HOMER1: variants seen among roughly 807,000 people sequenced by gnomAD.
HOMER1 encodes the protein homer scaffold protein 1, also known as homer protein homolog 1.
In HOMER1, 3 loss-of-function variants were observed where a neutral mutation model predicts 48.9. That is an observed-to-expected ratio of 0.06 (90% confidence interval 0.03 to 0.16). HOMER1 has a LOEUF of 0.16. HOMER1 is among the 10% of genes least tolerant of loss of function. The probability of loss-of-function intolerance (pLI) is 1.00; values close to 1 mark genes in which losing one functional copy is unlikely to be tolerated. For missense variants in HOMER1, 247 were observed against 411.4 expected (o/e 0.60, Z 3.46); for synonymous variants, 134 against 146.4 (o/e 0.92, Z 0.61).
Position 79,392,133 on chromosome 5 carries a change from C to T in HOMER1, c.876+4690G>A, listed in dbSNP as rs376943245. 7.2e-5 allele frequency among the ~76,000 whole-genome samples: 11 copies of T among 152,204 alleles called. No individual in the cohort carries two copies. In the East Asian group the frequency reaches 1.9e-3, roughly 27 times the overall value. ...ACTTAATAAAAATAAATGGCCATGT[C>T]ACTGGTTTATATATTTATTATACTA... On this transcript the variant is annotated intron_variant, in intron 8 of 8. Coordinates refer to ENST00000334082, the MANE Select transcript of HOMER1 (RefSeq NM_004272.5).
chr5:79,415,352 T>C (rs902074898), intron 5 of HOMER1, among the ~76,000 whole-genome samples: 1 of 152,008 alleles, frequency 6.6e-6, no homozygotes, highest in Non-Finnish European at 1.5e-5. Context: ...TGGCCGAGAA[T>C]AGTTTTTAAA....
At chr5:79,459,789 T>C (rs1357311606) in intron 1 of HOMER1, among the ~76,000 whole-genome samples, 1 of 152,190 alleles carries the variant, frequency 6.6e-6, no homozygotes, top group Non-Finnish European at 1.5e-5. Context: ...CTGACAGCTA[T>C]GATAGAAAAC....
chr5:79,402,133 A>G (rs1749548806), intron 5 of HOMER1, 78 bp from the exon 6 acceptor site: 8 of 1,170,440 alleles, frequency 6.8e-6, no homozygotes, highest in Non-Finnish European at 9.6e-6. Context: ...ACTCAGTTCT[A>G]TTGTAGGGTT....
rs565469028 is a variant in HOMER1 at position 79,487,001 on chromosome 5, C to T, written c.5+25769G>A. Among the ~76,000 whole-genome samples, 8 of 152,274 alleles carry T rather than the reference C, an allele frequency of 5.3e-5. No homozygotes were observed. In the South Asian group the frequency reaches 1.5e-3, roughly 28 times the overall value. ...AGTTCATTGAAAGAATACATTTTGG[C>T]CAGGCACAGTGGCTCATGCCTGTAA... On this transcript the variant is annotated intron_variant, in intron 1 of 8. Coordinates refer to ENST00000334082, the MANE Select transcript of HOMER1 (RefSeq NM_004272.5).
chr5:79,470,398 C>T (rs1019919245), intron 1 of HOMER1, among the ~76,000 whole-genome samples: 23 of 152,266 alleles, frequency 1.5e-4, no homozygotes, highest in Admixed American at 2.6e-4. Context: ...CTTCCCCCTG[C>T]AGATCATGGC....
intron 1 of HOMER1, among the ~76,000 whole-genome samples, chr5:79,467,940 C>T (rs1751519363): frequency 6.6e-6 from 1 of 152,080 alleles, no homozygotes; most frequent in African/African-American, 2.4e-5. Flanking sequence ...ACCACCACAT[C>T]CAGCTTTTTT....
Position 79,388,253 on chromosome 5 carries a change from G to A in HOMER1, c.876+8570C>T, listed in dbSNP as rs186572765. Among the ~76,000 whole-genome samples the A allele has an allele frequency of 6.6e-5, 10 of 152,224 alleles. No individual in the cohort carries two copies. In the East Asian group the frequency reaches 1.2e-3, roughly 18 times the overall value. Reference sequence around the variant, plus strand: ...TAAAAGGAAGAGAAAGGAATCTTGCGGGGTAAAGGGAAAAATAAGCAAGAA... The same window carrying A: ...TAAAAGGAAGAGAAAGGAATCTTGCAGGGTAAAGGGAAAAATAAGCAAGAA... On this transcript the variant is annotated intron_variant, in intron 8 of 8. Coordinates refer to ENST00000334082, the MANE Select transcript of HOMER1 (RefSeq NM_004272.5).
At chr5:79,400,339 G>T (rs1749501524) in intron 6 of HOMER1, among the ~76,000 whole-genome samples, 1 of 150,820 alleles carries the variant, frequency 6.6e-6, no homozygotes, top group Non-Finnish European at 1.5e-5. Context: ...TGTCTCAACT[G>T]CATTTCCTTT....
At chr5:79,506,940 G>A (rs1023921175) in intron 1 of HOMER1, among the ~76,000 whole-genome samples, 9 of 151,942 alleles carry the variant, frequency 5.9e-5, no homozygotes, top group East Asian at 1.9e-4. Flanking sequence ...TTGGCAGGGC[G>A]CGGTGGCTCA....
At chr5:79,474,395 T>A (rs532380960) in intron 1 of HOMER1, among the ~76,000 whole-genome samples, 1 of 152,080 alleles carries the variant, frequency 6.6e-6, no homozygotes, top group South Asian at 2.1e-4. Flanking sequence ...CCTGTATTAG[T>A]AATATAGTGA....
intron 8 of HOMER1, among the ~76,000 whole-genome samples, chr5:79,382,647 C>T (rs1749012000): frequency 6.6e-6 from 1 of 152,166 alleles, no homozygotes; most frequent in African/African-American, 2.4e-5. Context: ...ACCAGCCCTA[C>T]AAGAAATGCT....
At chr5:79,452,887 G>C (rs763608767) in intron 2 of HOMER1, among the ~76,000 whole-genome samples, 5 of 152,142 alleles carry the variant, frequency 3.3e-5, no homozygotes, top group African/African-American at 4.8e-5. Context: ...GTAAAATGTG[G>C]CTAATAACTG....
At position 79,374,371 on chromosome 5, in the gene HOMER1, A is replaced by G. The variant is rs1417689074; in HGVS notation, c.*1638T>C. 6.6e-6 allele frequency: 1 copy of G among 152,484 alleles called. No homozygotes were observed. The highest frequency in any genetic ancestry group is 1.5e-5 in the Non-Finnish European group (1 of 67,890). 9.4% of individuals were successfully genotyped at this position (152,484 alleles called of 1,614,324 possible). On this transcript the variant is annotated 3_prime_UTR_variant, in exon 9 of 9. Transcript: ENST00000334082. ...AAAACTCACTTAAGAAACTAACTTCAGAAACAAACCATTTATTTTTCACTC... is the reference window on the plus strand; with the variant it reads ...AAAACTCACTTAAGAAACTAACTTCGGAAACAAACCATTTATTTTTCACTC...
At chr5:79,463,767 T>C (rs1751381865) in intron 1 of HOMER1, among the ~76,000 whole-genome samples, 1 of 152,162 alleles carries the variant, frequency 6.6e-6, no homozygotes. Context: ...CATTTAAAAT[T>C]GTAGAACCAA....
chr5:79,512,334 C>A (rs1296936262), intron 1 of HOMER1, among the ~76,000 whole-genome samples: 1 of 152,212 alleles, frequency 6.6e-6, no homozygotes. Flanking sequence ...TACTCTGGAT[C>A]ACTTTCAAGG....
At chr5:79,477,627 T>C (rs1290556323) in intron 1 of HOMER1, among the ~76,000 whole-genome samples, 1 of 152,256 alleles carries the variant, frequency 6.6e-6, no homozygotes, top group Non-Finnish European at 1.5e-5. Flanking sequence ...AACTAATCAA[T>C]TGTCATTTAA....
At chr5:79,392,815 C>CT (rs1749284564) in intron 8 of HOMER1, among the ~76,000 whole-genome samples, 1 of 152,024 alleles carries the variant, frequency 6.6e-6, no homozygotes, top group Non-Finnish European at 1.5e-5. Flanking sequence ...TTTACCTTTT[C>CT]TACTGTATTT....
intron 8 of HOMER1, among the ~76,000 whole-genome samples, chr5:79,392,389 C>T (rs1749275094): frequency 1.3e-5 from 2 of 152,028 alleles, no homozygotes; most frequent in South Asian, 4.1e-4. Context: ...CTTGTGTAGG[C>T]ATCAGCTAAT....
At chr5:79,465,581 CTTCTTTTTT>C in intron 1 of HOMER1, among the ~76,000 whole-genome samples, 1 of 90,378 alleles carries the variant, frequency 1.1e-5, no homozygotes, top group South Asian at 4.1e-4. Flanking sequence ...GTTTACATTT[CTTCTTTTTT>C]TTTTTTTTTT....
Sources: gnomAD v4.1 joint callset for allele counts (sites outside exome capture counted in the v4.1 genomes callset) on GRCh38, gnomAD v4.1.1 for gene constraint, MANE v1.5 for transcripts, NCBI Gene and HGNC (gene_info 2026-07-23, HGNC 2026-07-21) for gene names.